Variants in RGS6 observed in about 807,000 individuals in gnomAD.
RGS6 encodes regulator of G protein signaling 6.
A neutral mutation model predicts 78.5 loss-of-function variants in RGS6; 30 were observed. That is an observed-to-expected ratio of 0.38 (90% CI 0.29 to 0.52). The LOEUF is 0.52. Among genes scored for constraint, RGS6 ranks in the 20% least tolerant of loss-of-function variants. The pLI, the probability that RGS6 is intolerant of heterozygous loss-of-function variation, is 0.85. For missense variants in RGS6, 495 were observed against 609.7 expected (o/e 0.81, Z 1.98); for synonymous variants, 206 against 206.0 (o/e 1.00, Z 0.00).
At chr14:72,000,975 C>T (rs1329046466) in intron 2 of RGS6, among the ~76,000 whole-genome samples, 1 of 152,196 alleles carries the variant, frequency 6.6e-6, no homozygotes, top group Non-Finnish European at 1.5e-5. Flanking sequence ...ATCCTGATTT[C>T]TCCCCAAGAC....
At chr14:72,334,808 A>G (rs2238198) in intron 2 of RGS6, among the ~76,000 whole-genome samples, 20,360 of 151,968 alleles carry the variant, frequency 0.13, 2,144 homozygotes, top group African/African-American at 0.29. Context: ...ATCTCCCCAC[A>G]GGGTCTGGCT....
At chr14:72,428,077 A>C (rs1022648006) in intron 3 of RGS6, among the ~76,000 whole-genome samples, 1 of 152,174 alleles carries the variant, frequency 6.6e-6, no homozygotes, top group African/African-American at 2.4e-5. Context: ...GCTTAGGCAA[A>C]GGCTAGATGG....
chr14:71,941,865 A>G (rs2090632494), intron 1 of RGS6, among the ~76,000 whole-genome samples: 1 of 152,214 alleles, frequency 6.6e-6, no homozygotes, highest in South Asian at 2.1e-4. Flanking sequence ...GACACTCAGT[A>G]TTAACCATCA....
At chr14:72,291,022 A>G (rs1310027663) in intron 2 of RGS6, among the ~76,000 whole-genome samples, 2 of 151,262 alleles carry the variant, frequency 1.3e-5, no homozygotes, top group African/African-American at 4.9e-5. Context: ...ATGCCTCTCA[A>G]CTCTACACTC....
intron 2 of RGS6, among the ~76,000 whole-genome samples, chr14:72,141,609 C>T (rs1192990780): frequency 2.0e-5 from 3 of 152,206 alleles, no homozygotes; most frequent in South Asian, 2.1e-4. Flanking sequence ...TGTGCTGGAC[C>T]GTGAGGAAGG....
chr14:72,006,179 G>C (rs538565504), intron 2 of RGS6, among the ~76,000 whole-genome samples: 1 of 152,206 alleles, frequency 6.6e-6, no homozygotes, highest in Admixed American at 6.5e-5. Context: ...ACTTCTCTGT[G>C]ATGCCCACCT....
chr14:72,458,415 T>G (rs780445570), intron 5 of RGS6, 38 bp downstream of exon 5: 3 of 1,438,326 alleles, frequency 2.1e-6, no homozygotes, highest in South Asian at 2.3e-5. Context: ...GAACCTTTTC[T>G]TCACAACATC....
chr14:71,944,215 G>A (rs1474824936), intron 1 of RGS6, among the ~76,000 whole-genome samples: 1 of 152,196 alleles, frequency 6.6e-6, no homozygotes, highest in Non-Finnish European at 1.5e-5. Flanking sequence ...CCGTCATATG[G>A]TTGTGGGCTG....
chr14:72,601,076 GGAA>G, the RGS6 span, among the ~76,000 whole-genome samples: 2 of 151,872 alleles, frequency 1.3e-5, no homozygotes, highest in South Asian at 2.1e-4. Context: ...GGGAGGAGGA[GGAA>G]GAAGGGGAGG....
intron 2 of RGS6, among the ~76,000 whole-genome samples, chr14:72,154,293 G>A (rs532464372): frequency 1.5e-4 from 23 of 149,442 alleles, no homozygotes; most frequent in Admixed American, 8.6e-4. Flanking sequence ...TCAAACACAC[G>A]TTTTACAATC....
chr14:72,098,437 C>A (rs1567200195), intron 2 of RGS6, among the ~76,000 whole-genome samples: 2 of 152,200 alleles, frequency 1.3e-5, no homozygotes, highest in East Asian at 3.8e-4. Flanking sequence ...GCCTTCATGC[C>A]ATCAGGCAGG....
chr14:72,417,143 G>T (rs866398678), intron 3 of RGS6, among the ~76,000 whole-genome samples: 4 of 152,314 alleles, frequency 2.6e-5, no homozygotes, highest in African/African-American at 9.6e-5. Flanking sequence ...AAATTGTGCC[G>T]CCAGCGTTCT....
intron 1 of RGS6, among the ~76,000 whole-genome samples, chr14:71,949,041 G>C (rs1181527794): frequency 3.9e-5 from 6 of 152,036 alleles, no homozygotes; most frequent in Admixed American, 3.3e-4. Context: ...ATTCTACTTT[G>C]TGATATTCCA....
At chr14:72,414,675 T>TC (rs978606560) in intron 3 of RGS6, among the ~76,000 whole-genome samples, 14 of 152,184 alleles carry the variant, frequency 9.2e-5, no homozygotes, top group African/African-American at 3.1e-4. Context: ...GCTCTTTTTT[T>TC]CCCCCATCTT....
rs147489283 is a variant in RGS6, at chr14:72,103,150, G to A, written c.84+138275G>A. ...CAGGAAGCTAGGCCTCCCTTGCAGTGGTAATAGCTGGCCTGTGGAGCCCCT... is the reference window on the plus strand; with the variant it reads ...CAGGAAGCTAGGCCTCCCTTGCAGTAGTAATAGCTGGCCTGTGGAGCCCCT... On this transcript the variant is annotated intron_variant, in intron 2 of 17. Coordinates refer to ENST00000553525, the MANE Select transcript of RGS6 (RefSeq NM_001204424.2). Among the ~76,000 whole-genome samples the A allele has an allele frequency of 4.5e-3, 690 of 152,296 alleles. 5 individuals carry two copies. The highest frequency in any genetic ancestry group is 0.015 in the African/African-American group (635 of 41,576).
intron 3 of RGS6, among the ~76,000 whole-genome samples, chr14:72,371,058 G>A (rs2083421016): frequency 1.3e-5 from 2 of 152,200 alleles, no homozygotes; most frequent in Admixed American, 6.5e-5. Flanking sequence ...GGAAGGAAGG[G>A]TGTGGCTTTT....
intron 17 of RGS6, among the ~76,000 whole-genome samples, chr14:72,554,880 C>T (rs2153539297): frequency 6.6e-6 from 1 of 152,338 alleles, no homozygotes; most frequent in African/African-American, 2.4e-5. Context: ...TCATGTAGGG[C>T]TCAGCTGCTG....
intron 2 of RGS6, among the ~76,000 whole-genome samples, chr14:72,341,439 T>A (rs2076972641): frequency 6.6e-6 from 1 of 152,186 alleles, no homozygotes; most frequent in Admixed American, 6.5e-5. Flanking sequence ...GGCCAAACCA[T>A]AGTAACATGT....
chr14:72,388,675 C>T (rs1375250008), intron 3 of RGS6, among the ~76,000 whole-genome samples: 1 of 152,162 alleles, frequency 6.6e-6, no homozygotes, highest in Non-Finnish European at 1.5e-5. Flanking sequence ...GTTATTGCTG[C>T]ACCCTCTGTC....
Sources: gnomAD v4.1 joint callset for allele counts (sites outside exome capture counted in the v4.1 genomes callset) on GRCh38, gnomAD v4.1.1 for gene constraint, MANE v1.5 for transcripts, NCBI Gene and HGNC (gene_info 2026-07-23, HGNC 2026-07-21) for gene names.